Variants in PLEKHM1 observed in about 807,000 individuals in gnomAD.
The protein encoded by PLEKHM1 is pleckstrin homology and RUN domain containing M1, also known as pleckstrin homology domain-containing family M member 1.
PLEKHM1 carries 28 observed loss-of-function variants against 94.3 expected under a neutral mutation model. The observed-to-expected ratio is 0.30, with a 90% confidence interval of 0.22 to 0.41. PLEKHM1 has a LOEUF of 0.41. Among genes scored for constraint, PLEKHM1 ranks in the 10% least tolerant of loss-of-function variants. The pLI, the probability that PLEKHM1 is intolerant of heterozygous loss-of-function variation, is 1.00. For missense variants in PLEKHM1, 907 were observed against 1,358.6 expected, an observed-to-expected ratio of 0.67 and a Z score of 5.22; for synonymous variants, 424 against 581.2, an observed-to-expected ratio of 0.73 and a Z score of 3.89.
rs1236880648 is a variant in PLEKHM1, at chr17:45,436,750, T to C, written c.*1108A>G. ...CAGTGTCCCGGCTGGGCAAGTTCAGTGATGCTTTGGGAATTCATGGCTTTG... is the reference window on the plus strand; with the variant it reads ...CAGTGTCCCGGCTGGGCAAGTTCAGCGATGCTTTGGGAATTCATGGCTTTG... On this transcript the variant is annotated 3_prime_UTR_variant, in exon 12 of 12. Coordinates refer to ENST00000430334, the MANE Select transcript of PLEKHM1 (RefSeq NM_014798.3). 4.4e-6 allele frequency: 2 copies of C among 454,126 alleles called. No individual in the cohort carries two copies. The highest frequency in any genetic ancestry group is 4.7e-5 in the Admixed American group (2 of 42,578). The allele number at this position is 454,126 out of a possible 1,614,324, so 28.1% of individuals were successfully genotyped here. A position where few individuals can be genotyped will look rare whatever the true frequency, so the allele number is the denominator to read the frequency against.
chr17:45,439,336 C>A, intron 11 of PLEKHM1, 141 bp downstream of exon 11: 1 of 949,440 alleles, frequency 1.1e-6, no homozygotes, highest in Non-Finnish European at 1.6e-6. Context: ...AACAACTGCA[C>A]CACCCCTTGG....
chr17:45,472,762 G>C (rs1416136253), intron 4 of PLEKHM1, among the ~76,000 whole-genome samples: 1 of 152,080 alleles, frequency 6.6e-6, no homozygotes, highest in Non-Finnish European at 1.5e-5. Flanking sequence ...GACCTTCCTG[G>C]GCTTGTAAGT....
intron 6 of PLEKHM1, among the ~76,000 whole-genome samples, chr17:45,456,010 G>A (rs1177396461): frequency 6.6e-6 from 1 of 152,160 alleles, no homozygotes; most frequent in East Asian, 1.9e-4. Context: ...GATGTGTCAA[G>A]CGCAGCCCCA....
At chr17:45,454,547 G>A (rs2050886512) in intron 6 of PLEKHM1, 3 of 587,252 alleles carry the variant, frequency 5.1e-6, no homozygotes, top group South Asian at 2.0e-5. Flanking sequence ...CTACACCCAC[G>A]CCTTCCCTCC....
chr17:45,466,167 T>C (rs2051314808), intron 5 of PLEKHM1, among the ~76,000 whole-genome samples: 1 of 152,212 alleles, frequency 6.6e-6, no homozygotes, highest in Non-Finnish European at 1.5e-5. Context: ...TACATGGTCA[T>C]ATTCAAGAAA....
chr17:45,472,420 T>A (rs1161000744), intron 4 of PLEKHM1, among the ~76,000 whole-genome samples: 1 of 152,092 alleles, frequency 6.6e-6, no homozygotes, highest in Non-Finnish European at 1.5e-5. Context: ...ACTGATTCAG[T>A]GACCTTAAGC....
chr17:45,482,275 G>A (rs1026386709), intron 2 of PLEKHM1, among the ~76,000 whole-genome samples, 162 bp downstream of exon 2: 2 of 139,718 alleles, frequency 1.4e-5, no homozygotes, highest in East Asian at 2.0e-4. Context: ...CACCAATAAG[G>A]TGATCTAGAA....
Position 45,475,474 on chromosome 17 carries a change from G to C in PLEKHM1, c.549C>G (p.Ala183=). 3 of 1,613,046 alleles carry C rather than the reference G, an allele frequency of 1.9e-6. No individual in the cohort carries two copies. The highest frequency in any genetic ancestry group is 1.1e-5 in the South Asian group (1 of 91,068). Residue 183 remains alanine, a synonymous_variant, in exon 4 of 12, where the codon GCC becomes GCG. Transcript: ENST00000430334. ...GGGTGAGCGTCCACTCATTTAAGAT[G>C]GCAGACTTGTAGGAGAGTTCGAAGG... ...SLSFELSYKS[A]ILNEWTLTPL...
intron 7 of PLEKHM1, among the ~76,000 whole-genome samples, chr17:45,451,661 C>G (rs1213060286): frequency 6.6e-6 from 1 of 152,006 alleles, no homozygotes; most frequent in Non-Finnish European, 1.5e-5. Flanking sequence ...TTATGAAATA[C>G]AACCCAGATG....
At chr17:45,470,554 G>A (rs1448610279) in intron 4 of PLEKHM1, among the ~76,000 whole-genome samples, 6 of 152,182 alleles carry the variant, frequency 3.9e-5, no homozygotes, top group East Asian at 1.9e-4. Flanking sequence ...ACTTGAACCC[G>A]GGACGGGGAG....
rs1377694186 is a variant in PLEKHM1, at chr17:45,436,214, A to C, written c.*1644T>G. ...CCCTCCCCAGGCCAGGCTCCTGCCC[A>C]CTCAGGGATGGGGCAATGAGGGCTC... On this transcript the variant is annotated 3_prime_UTR_variant, in exon 12 of 12. Coordinates refer to ENST00000430334, the MANE Select transcript of PLEKHM1 (RefSeq NM_014798.3). The C allele has an allele frequency of 6.6e-6, 3 of 454,282 alleles. No individual in the cohort carries two copies. Among genetic ancestry groups the C allele is most frequent in the South Asian group, 4.7e-5 (3 of 64,488 alleles). The allele number at this position is 454,282 out of a possible 1,614,324, so 28.1% of individuals were successfully genotyped here.
rs1224642332 is a variant in PLEKHM1 at position 45,448,781 on chromosome 17, C to T, written c.2643+1837G>A. Among the ~76,000 whole-genome samples the T allele has an allele frequency of 5.9e-5, 9 of 152,040 alleles. No individual in the cohort carries two copies. The East Asian group carries it at 1.7e-3, about 29-fold the overall frequency. ...CATGGTAACACAGGTAGGAAAGTGG[C>T]TAAGTTCAGCTGGAGAAAAGGAAAA... On this transcript the variant is annotated intron_variant, in intron 8 of 11. Coordinates refer to ENST00000430334, the MANE Select transcript of PLEKHM1 (RefSeq NM_014798.3).
chr17:45,480,488 A>C (rs1267124038), intron 2 of PLEKHM1, among the ~76,000 whole-genome samples: 1 of 113,778 alleles, frequency 8.8e-6, no homozygotes, highest in East Asian at 2.0e-4. Flanking sequence ...CGTCTCAAAA[A>C]AACAAAAAAA....
chr17:45,471,599 T>C (rs1003934080), intron 4 of PLEKHM1, among the ~76,000 whole-genome samples: 10 of 151,218 alleles, frequency 6.6e-5, no homozygotes, highest in African/African-American at 2.2e-4. Context: ...CTACAACAAG[T>C]ACAAAAATTA....
At chr17:45,435,144 A>G (rs766742169), downstream of PLEKHM1, among the ~76,000 whole-genome samples, 18 of 151,706 alleles carry the variant, frequency 1.2e-4, no homozygotes, top group Non-Finnish European at 2.6e-4. Context: ...CCTACCATCT[A>G]CTGTCCTGGA....
At position 45,468,272 on chromosome 17, in the gene PLEKHM1, C is replaced by T. The variant is rs1293897947; in HGVS notation, c.1245G>A (p.Leu415=). The T allele has an allele frequency of 2.5e-6, 4 of 1,612,952 alleles. No individual in the cohort carries two copies. Among genetic ancestry groups the T allele is most frequent in the South Asian group, 1.1e-5 (1 of 90,946 alleles). Residue 415 remains leucine (L), a synonymous_variant, in exon 5 of 12, where the codon CTG becomes CTA. Transcript: ENST00000430334. ...TAREVGQGNG[L]QKAQAHDGAG... is the part of the protein sequence containing the mutation. ...CTCCGTCATGAGCCTGGGCCTTCTGCAGGCCATTCCCTTGGCCCACTTCTC... is the reference window on the plus strand; with the variant it reads ...CTCCGTCATGAGCCTGGGCCTTCTGTAGGCCATTCCCTTGGCCCACTTCTC...
rs180991660 is a variant in PLEKHM1 at position 45,448,888 on chromosome 17, C to T, written c.2643+1730G>A. Reference sequence around the variant, plus strand: ...TACCCAAGGCATAATATTAAGTGAACCAAGCTTCTTATAAAGCAGTATGAG... The same window carrying T: ...TACCCAAGGCATAATATTAAGTGAATCAAGCTTCTTATAAAGCAGTATGAG... On this transcript the variant is annotated intron_variant, in intron 8 of 11. Transcript: ENST00000430334. Among the ~76,000 whole-genome samples the T allele has an allele frequency of 3.4e-4, 51 of 152,144 alleles. 1 individual carries two copies. Among genetic ancestry groups the T allele is most frequent in the Admixed American group, 2.4e-3 (36 of 15,274 alleles).
chr17:45,471,437 A>C (rs1322339880), intron 4 of PLEKHM1, among the ~76,000 whole-genome samples: 1 of 150,106 alleles, frequency 6.7e-6, no homozygotes, highest in East Asian at 1.9e-4. Context: ...CAGCAATTCC[A>C]CCCCTAGGTA....
chr17:45,482,631 ACC>A, intron 1 of PLEKHM1, 106 bp from the exon 2 acceptor site: 2 of 714,590 alleles, frequency 2.8e-6, no homozygotes, highest in Admixed American at 2.0e-5. Context: ...TCAAACTGCA[ACC>A]AAAAAGGCCT....
Sources: gnomAD v4.1 joint callset for allele counts (sites outside exome capture counted in the v4.1 genomes callset) on GRCh38, gnomAD v4.1.1 for gene constraint, MANE v1.5 for transcripts, NCBI Gene and HGNC (gene_info 2026-07-23, HGNC 2026-07-21) for gene names.